The following CDKL5 variants were observed in gnomAD, a reference collection of about 807,000 sequenced individuals.
The protein encoded by CDKL5 is cyclin dependent kinase like 5, also known as cyclin-dependent kinase-like 5.
Under a neutral mutation model 61.7 loss-of-function variants are expected in CDKL5, and 8 were observed. That is an observed-to-expected ratio of 0.13 (90% confidence interval 0.08 to 0.23). The LOEUF (loss-of-function observed/expected upper bound fraction) is 0.23, where lower values mean the gene tolerates loss of function less well. Among genes scored for constraint, CDKL5 ranks in the 10% least tolerant of loss-of-function variants. The pLI, the probability that CDKL5 is intolerant of heterozygous loss-of-function variation, is 1.00. For missense variants in CDKL5, 440 were observed against 734.5 expected, an observed-to-expected ratio of 0.60 and a Z score of 4.63; for synonymous variants, 275 against 272.3, an observed-to-expected ratio of 1.01 and a Z score of -0.10.
intron 20 of CDKL5, chrX:18,650,390 G>A (rs980932278): frequency 8.3e-7 from 1 of 1,207,651 alleles, no homozygotes; most frequent in Non-Finnish European, 1.1e-6. Context: ...TCATTCCACT[G>A]CCCTCTGAAT....
At chrX:18,508,740 A>G (rs1053271894) in intron 2 of CDKL5, among the ~76,000 whole-genome samples, 4 of 109,948 alleles carry the variant, frequency 3.6e-5, no homozygotes, top group African/African-American at 1.3e-4. Flanking sequence ...CCATTGCTGT[A>G]TGTTTCTTTC....
intron 3 of CDKL5, among the ~76,000 whole-genome samples, chrX:18,553,147 A>G (rs1007419473): frequency 9.9e-5 from 11 of 111,053 alleles, no homozygotes; most frequent in African/African-American, 3.6e-4. Context: ...TTAGTGATAG[A>G]CTGGATGGAT....
In CDKL5 at chrX:18,637,609, T is replaced by C. The variant is rs1475162569; in HGVS notation, c.*8852T>C. On this transcript the variant is annotated 3_prime_UTR_variant, in exon 18 of 18. Coordinates refer to ENST00000623535, the MANE Select transcript of CDKL5 (RefSeq NM_001323289.2). ...CCCTAGGATATAGAGTCCGCTTGCC[T>C]GGGTGGAGTCTTGGCTCCATCTCCT... 2 of 110,555 alleles carry C rather than the reference T, an allele frequency of 1.8e-5. No individual in the cohort carries two copies. The highest frequency in any genetic ancestry group is 3.3e-5 in the African/African-American group (1 of 30,323). 9.1% of individuals were successfully genotyped at this position (110,555 alleles called of 1,213,427 possible).
At chrX:18,650,560 C>T in exon 21 of CDKL5, 2 of 1,212,322 alleles carry the variant, frequency 1.6e-6, no homozygotes, top group Non-Finnish European at 2.2e-6. Flanking sequence ...GTCCGAGGCA[C>T]TGATGCTTTC....
chrX:18,648,071 T>A (rs1927862066), intron 20 of CDKL5, among the ~76,000 whole-genome samples: 1 of 110,864 alleles, frequency 9.0e-6, no homozygotes. Context: ...GCACGGTGAC[T>A]CATGCCTGTA....
intron 15 of CDKL5, among the ~76,000 whole-genome samples, chrX:18,617,597 C>T (rs1440678943): frequency 8.9e-6 from 1 of 112,147 alleles, no homozygotes; most frequent in Non-Finnish European, 1.9e-5. Flanking sequence ...CTCTGAGTCA[C>T]TCTGTCAGCC....
chrX:18,455,254 T>G (rs1352907271), intron 1 of CDKL5, among the ~76,000 whole-genome samples: 1 of 112,273 alleles, frequency 8.9e-6, no homozygotes, highest in Non-Finnish European at 1.9e-5. Flanking sequence ...GACAGGCACA[T>G]TTTTTAAGTG....
At position 18,635,464 on chromosome X, in the gene CDKL5, A is replaced by G. The variant is rs1012048240; in HGVS notation, c.*6707A>G. On this transcript the variant is annotated 3_prime_UTR_variant, in exon 18 of 18. Coordinates refer to ENST00000623535, the MANE Select transcript of CDKL5 (RefSeq NM_001323289.2). The stretch of plus-strand genomic sequence containing the variant: ...TCGTGTTTGAACTGCGAACAGCTCC[A>G]TTTTAGTTCCTTCTTGGGAAGAAAG... 7.6e-5 allele frequency: 57 copies of G among 752,592 alleles called. No homozygotes were observed. The Middle Eastern group carries it at 2.2e-3, about 29-fold the overall frequency. The allele number at this position is 752,592 out of a possible 1,213,427, so 62.0% of individuals were successfully genotyped here.
chrX:18,604,697 T>A lies in CDKL5; in HGVS notation c.1773T>A (p.Ser591=). Residue 591 remains serine, a synonymous_variant, in exon 12 of 18, where the codon TCT becomes TCA. Coordinates refer to ENST00000623535, the MANE Select transcript of CDKL5 (RefSeq NM_001323289.2). ...HSHSLSAPHE[S]FSYGLGYTSP... ...ATTCACTGTCTGCACCTCACGAATC[T>A]TTTTCTTATGGACTGGGCTACACCA... is the stretch of plus-strand genomic sequence containing the variant. 8.3e-7 allele frequency: 1 copy of A among 1,211,823 alleles called. No individual in the cohort carries two copies. Among genetic ancestry groups the A allele is most frequent in the Non-Finnish European group, 1.1e-6 (1 of 895,423 alleles).
Position 18,636,454 on chromosome X carries a change from C to T in CDKL5, c.*7697C>T, listed in dbSNP as rs1927392172. On this transcript the variant is annotated 3_prime_UTR_variant, in exon 18 of 18. Transcript: ENST00000623535. ...GTAAATGAGGAAACAGATTTCCATA[C>T]TTGACATTAACCTGCCCAAGGTCAC... 9.2e-6 allele frequency: 1 copy of T among 108,702 alleles called. No homozygotes were observed. The highest frequency in any genetic ancestry group is 1.9e-5 in the Non-Finnish European group (1 of 52,574). The allele number at this position is 108,702 out of a possible 1,213,427, so 9.0% of individuals were successfully genotyped here.
chrX:18,530,851 G>A (rs1923620486), intron 3 of CDKL5, among the ~76,000 whole-genome samples: 1 of 111,910 alleles, frequency 8.9e-6, no homozygotes, highest in African/African-American at 3.2e-5. Context: ...AGGTATAGAT[G>A]CCAGAGGCTT....
chrX:18,647,893 GAA>G (rs5901648), intron 20 of CDKL5, among the ~76,000 whole-genome samples: 1 of 106,821 alleles, frequency 9.4e-6, no homozygotes, highest in Non-Finnish European at 1.9e-5. Context: ...CCAGTCTAAT[GAA>G]AAAAAAAATG....
chrX:18,629,567 T>C lies in CDKL5; in HGVS notation c.*810T>C, dbSNP rs1282733444. On this transcript the variant is annotated 3_prime_UTR_variant, in exon 18 of 18. Coordinates refer to ENST00000623535, the MANE Select transcript of CDKL5 (RefSeq NM_001323289.2). ...CATTTGTGATATGAAGTGAGTATTATACTTCTACTAAAGGGAGTTGAATTG... is the reference window on the plus strand; with the variant it reads ...CATTTGTGATATGAAGTGAGTATTACACTTCTACTAAAGGGAGTTGAATTG... 1 of 734,810 alleles carries C rather than the reference T, an allele frequency of 1.4e-6. No homozygotes were observed. Among genetic ancestry groups the C allele is most frequent in the Non-Finnish European group, 1.6e-6 (1 of 623,208 alleles). 60.6% of individuals were successfully genotyped at this position (734,810 alleles called of 1,213,427 possible).
chrX:18,510,953 TCCTTA>T, intron 3 of CDKL5, 99 bp downstream of exon 3: 1 of 625,366 alleles, frequency 1.6e-6, no homozygotes, highest in Non-Finnish European at 2.6e-6. Context: ...GGTTGAGCAT[TCCTTA>T]TCTGAAATGC....
intron 1 of CDKL5, among the ~76,000 whole-genome samples, chrX:18,468,595 C>G (rs1373993558): frequency 8.9e-6 from 1 of 111,861 alleles, no homozygotes; most frequent in Non-Finnish European, 1.9e-5. Context: ...TGATTTGTTC[C>G]CAGAGTTTTT....
At chrX:18,466,079 G>T (rs1429758552) in intron 1 of CDKL5, among the ~76,000 whole-genome samples, 2 of 111,289 alleles carry the variant, frequency 1.8e-5, no homozygotes, top group African/African-American at 6.5e-5. Flanking sequence ...ATTTTCTATT[G>T]TGTACAATCT....
intron 8 of CDKL5, among the ~76,000 whole-genome samples, chrX:18,585,363 C>T (rs1186900932): frequency 9.0e-6 from 1 of 110,873 alleles, no homozygotes; most frequent in Non-Finnish European, 1.9e-5. Flanking sequence ...CCACTGCACT[C>T]CAACCTGGGC....
In CDKL5 at chrX:18,634,659, C is replaced by G; in HGVS notation, c.*5902C>G. On this transcript the variant is annotated 3_prime_UTR_variant, in exon 18 of 18. Coordinates refer to ENST00000623535, the MANE Select transcript of CDKL5 (RefSeq NM_001323289.2). ...CCTCCCCTTGTTTACTCTTTGGTCA[C>G]CGATCGAGTCAGGCTAGAGGGGTAA... 1 of 753,391 alleles carries G rather than the reference C, an allele frequency of 1.3e-6. No individual in the cohort carries two copies. The highest frequency in any genetic ancestry group is 1.6e-6 in the Non-Finnish European group (1 of 639,113). The allele number at this position is 753,391 out of a possible 1,213,427, so 62.1% of individuals were successfully genotyped here.
At chrX:18,597,083 C>T (rs1471802255) in intron 10 of CDKL5, among the ~76,000 whole-genome samples, 3 of 110,637 alleles carry the variant, frequency 2.7e-5, no homozygotes, top group Non-Finnish European at 5.7e-5. Context: ...TTACTAACAC[C>T]CTGGAAGCCT....
Sources: allele counts gnomAD v4.1 joint callset (sites outside exome capture counted in the v4.1 genomes callset), GRCh38; gene constraint gnomAD v4.1.1; transcripts MANE v1.5; gene names NCBI Gene and HGNC (gene_info 2026-07-23, HGNC 2026-07-21).